The following SLC45A2 variants were observed in gnomAD, a reference collection of about 807,000 sequenced individuals.
SLC45A2 encodes the protein solute carrier family 45 member 2, also known as membrane-associated transporter protein.
SLC45A2 carries 36 observed loss-of-function variants against 45.5 expected under a neutral mutation model. The ratio of observed to expected loss-of-function variants is 0.79; its 90% CI spans 0.61 to 1.04. SLC45A2 has a LOEUF of 1.04. Ranked by LOEUF, SLC45A2 falls within the 50% of genes least tolerant of loss-of-function variation. The pLI is 0.00. For synonymous variants in SLC45A2, 306 were observed against 269.3 expected (o/e 1.14, Z -1.33); for missense variants, 719 against 671.0 (o/e 1.07, Z -0.79).
intron 4 of SLC45A2, 59 bp downstream of exon 4, chr5:33,954,302 A>G (rs1752205051): frequency 6.2e-7 from 1 of 1,609,724 alleles, no homozygotes; most frequent in African/African-American, 1.3e-5. Flanking sequence ...GAACCTCAAC[A>G]GGTGTTAATG....
chr5:33,955,478 T>A (rs1236986301), intron 3 of SLC45A2, among the ~76,000 whole-genome samples: 1 of 152,218 alleles, frequency 6.6e-6, no homozygotes, highest in Non-Finnish European at 1.5e-5. Context: ...GAAAATTTTT[T>A]ATTCATTAGA....
intron 2 of SLC45A2, chr5:33,971,487 G>A: frequency 2.7e-6 from 1 of 375,348 alleles, no homozygotes; most frequent in Non-Finnish European, 5.1e-6. Flanking sequence ...TGTCCAGGCT[G>A]GAGTGCAGTA....
chr5:33,960,044 A>C (rs984981895), intron 3 of SLC45A2, among the ~76,000 whole-genome samples: 2 of 152,184 alleles, frequency 1.3e-5, no homozygotes, highest in African/African-American at 4.8e-5. Context: ...TAAATTTTGT[A>C]AACCGCTTAG....
intron 5 of SLC45A2, among the ~76,000 whole-genome samples, chr5:33,948,809 G>T (rs1752012842): frequency 1.3e-5 from 2 of 152,234 alleles, no homozygotes; most frequent in African/African-American, 4.8e-5. Context: ...TTATCCAAGT[G>T]TGTATGCCAG....
intron 4 of SLC45A2, among the ~76,000 whole-genome samples, chr5:33,953,093 T>C (rs539109851): frequency 0.024 from 3,415 of 139,698 alleles, 163 homozygotes; most frequent in African/African-American, 0.088. Context: ...CAGTCTATCA[T>C]TGTTGGACAT....
At position 33,947,180 on chromosome 5, in the gene SLC45A2, G is replaced by A. The variant is rs142175557; in HGVS notation, c.1351C>T (p.Arg451Cys). ...VPFNLITEYH[R>C]EEEKERQQAP... is the part of the protein sequence containing the mutation. The stretch of plus-strand genomic sequence containing the variant: ...CAGCACACCTCCTTTTCTTCCTCGC[G>A]GTGGTACTCAGTAATGAGGTTAAAG... The change falls in exon 6 of 7, where the codon CGC becomes TGC. Residue 451 changes from arginine to cysteine, a missense_variant. Transcript: ENST00000296589. The A allele has an allele frequency of 1.6e-4, 263 of 1,614,044 alleles. No individual in the cohort carries two copies. Among genetic ancestry groups the A allele is most frequent in the Non-Finnish European group, 2.1e-4 (252 of 1,180,050 alleles).
intron 3 of SLC45A2, among the ~76,000 whole-genome samples, chr5:33,959,684 G>T (rs1369819565): frequency 1.3e-5 from 2 of 152,186 alleles, no homozygotes; most frequent in African/African-American, 4.8e-5. Flanking sequence ...GGCATGGCGA[G>T]AGGCAGGTTG....
intron 4 of SLC45A2, among the ~76,000 whole-genome samples, chr5:33,953,060 A>G (rs1226527935): frequency 1.6e-4 from 19 of 118,794 alleles, no homozygotes; most frequent in Non-Finnish European, 8.7e-5. Flanking sequence ...TCCATGGTGT[A>G]TATGTGCCAC....
In SLC45A2 at chr5:33,984,506, C is replaced by T; in HGVS notation, c.78G>A (p.Glu26=). The T allele has an allele frequency of 1.2e-6, 2 of 1,613,172 alleles. No individual in the cohort carries two copies. Among genetic ancestry groups the T allele is most frequent in the Non-Finnish European group, 1.7e-6 (2 of 1,180,028 alleles). ...GTCTGCTGGTGGGTCTTTTAGGCGG[C>T]TCCACAGAGTCAAAGGGGCCATCAT... ...LADDGPFDSV[E]PPKRPTSRLI... The change falls in exon 1 of 7, where the codon GAG becomes GAA. Residue 26 remains glutamate, a synonymous_variant. Transcript: ENST00000296589.
chr5:33,984,073 T>C lies in SLC45A2; in HGVS notation c.385+126A>G. The stretch of plus-strand genomic sequence containing the variant: ...CAAATTTGTCAAAGGGGAAGTTCAT[T>C]GTAACCTAGGAGAGATCAATTCTAA... On this transcript the variant is annotated intron_variant, in intron 1 of 6. Transcript: ENST00000296589. 2.2e-6 allele frequency: 3 copies of C among 1,377,320 alleles called. No individual in the cohort carries two copies. The South Asian group carries it at 3.7e-5, about 17-fold the overall frequency. 85.3% of individuals were successfully genotyped at this position (1,377,320 alleles called of 1,614,324 possible).
At chr5:33,965,072 G>A (rs1027996392) in intron 2 of SLC45A2, among the ~76,000 whole-genome samples, 3 of 152,150 alleles carry the variant, frequency 2.0e-5, no homozygotes, top group Non-Finnish European at 2.9e-5. Flanking sequence ...TTCTTTAAAC[G>A]TCAAACTCCC....
At chr5:33,971,996 C>A (rs1204807338) in intron 2 of SLC45A2, 1 of 457,974 alleles carries the variant, frequency 2.2e-6, no homozygotes, top group Admixed American at 2.4e-5. Flanking sequence ...CCTGCCTTGG[C>A]CTCCCACAGT....
chr5:33,969,065 C>CTCTCTCTG, intron 2 of SLC45A2, among the ~76,000 whole-genome samples: 6 of 102,392 alleles, frequency 5.9e-5, no homozygotes, highest in African/African-American at 1.1e-4. Context: ...CTCTCTCTCT[C>CTCTCTCTG]TGTGTGTGTG....
At chr5:33,955,200 G>C (rs1752239227) in intron 3 of SLC45A2, among the ~76,000 whole-genome samples, 2 of 152,068 alleles carry the variant, frequency 1.3e-5, no homozygotes, top group South Asian at 4.1e-4. Flanking sequence ...TGACATTTAG[G>C]GGCTGAGAGC....
intron 3 of SLC45A2, among the ~76,000 whole-genome samples, chr5:33,962,466 G>A (rs959163342): frequency 8.5e-5 from 13 of 152,206 alleles, no homozygotes; most frequent in African/African-American, 3.1e-4. Context: ...CTCACAGGAA[G>A]GTGAGATTCA....
At chr5:33,982,062 A>G (rs1053129323) in intron 2 of SLC45A2, among the ~76,000 whole-genome samples, 174 bp downstream of exon 2, 1 of 152,266 alleles carries the variant, frequency 6.6e-6, no homozygotes, top group African/African-American at 2.4e-5. Context: ...AGCACTAGTC[A>G]CAAGCTGACT....
At position 33,961,191 on chromosome 5, in the gene SLC45A2, C is replaced by A. The variant is rs111618495; in HGVS notation, c.888+2500G>T. Among the ~76,000 whole-genome samples, 956 of 152,198 alleles carry A rather than the reference C, an allele frequency of 6.3e-3. 12 individuals carry two copies. The highest frequency in any genetic ancestry group is 0.022 in the African/African-American group (920 of 41,522). ...CATCTTATTATTCACCCAAATAAAC[C>A]CTCCTGGGTACCTCTTTATTCCCTG... On this transcript the variant is annotated intron_variant, in intron 3 of 6. Transcript: ENST00000296589.
rs143577894 is a variant in SLC45A2, at chr5:33,944,837, G to T, written c.1404C>A (p.Ser468Arg). The T allele has an allele frequency of 1.9e-6, 3 of 1,613,684 alleles. No homozygotes were observed. The highest frequency in any genetic ancestry group is 4.5e-5 in the East Asian group (2 of 44,890). Residue 468 changes from serine (S) to arginine (R), a missense_variant, in exon 7 of 7, where the codon AGC becomes AGA. Physicochemically the swap from Ser to Arg is moderately radical, Grantham distance 110. Transcript: ENST00000296589. Reference sequence around the variant, plus strand: ...CGCAGTCCATGCCCTTCCCTCTCACGCTGTTGTCTGGGTCCCCTCCTGGGG... The same window carrying T: ...CGCAGTCCATGCCCTTCCCTCTCACTCTGTTGTCTGGGTCCCCTCCTGGGG... ...QQAPGGDPDN[S>R]VRGKGMDCAT...
rs573917733 is a variant in SLC45A2, at chr5:33,975,167, G to A, written c.562+7069C>T. Among the ~76,000 whole-genome samples the A allele has an allele frequency of 5.0e-4, 76 of 152,268 alleles. 2 individuals are homozygous for A. The South Asian group carries it at 0.013, about 26-fold the overall frequency. ...GCAAAGACATGCACGGGAGACAGTC[G>A]GCTGAGGTTCGGGGTTCAGTGCTGG... On this transcript the variant is annotated intron_variant, in intron 2 of 6. Coordinates refer to ENST00000296589, the MANE Select transcript of SLC45A2 (RefSeq NM_016180.5).
Sources: gnomAD v4.1 joint callset for allele counts (sites outside exome capture counted in the v4.1 genomes callset) on GRCh38, gnomAD v4.1.1 for gene constraint, MANE v1.5 for transcripts, NCBI Gene and HGNC (gene_info 2026-07-23, HGNC 2026-07-21) for gene names.